GRID1: variants seen among roughly 807,000 people sequenced by gnomAD.
The protein encoded by GRID1 is glutamate ionotropic receptor delta type subunit 1, also known as glutamate receptor ionotropic, delta-1.
GRID1 carries 28 observed loss-of-function variants against 98.0 expected under a neutral mutation model. The observed-to-expected ratio is 0.29, with a 90% confidence interval of 0.21 to 0.39. The LOEUF is 0.39. Ranked by LOEUF, GRID1 falls within the 10% of genes least tolerant of loss-of-function variation. The pLI is 1.00. For missense variants in GRID1, 1,111 were observed against 1,340.5 expected (o/e 0.83, Z 2.67); for synonymous variants, 553 against 538.5 (o/e 1.03, Z -0.37).
chr10:86,308,239 G>A (rs1847785786), intron 2 of GRID1, among the ~76,000 whole-genome samples: 1 of 152,204 alleles, frequency 6.6e-6, no homozygotes, highest in African/African-American at 2.4e-5. Flanking sequence ...CCTCATGGAT[G>A]TGCAAACTGA....
At chr10:85,837,979 A>G (rs1189858903) in intron 8 of GRID1, among the ~76,000 whole-genome samples, 1 of 152,252 alleles carries the variant, frequency 6.6e-6, no homozygotes, top group African/African-American at 2.4e-5. Flanking sequence ...AACTGACCTT[A>G]TAGAGCTGAA....
intron 4 of GRID1, among the ~76,000 whole-genome samples, chr10:86,043,520 C>A (rs1055026080): frequency 1.3e-5 from 2 of 152,178 alleles, no homozygotes; most frequent in African/African-American, 4.8e-5. Context: ...GATCCTTGCC[C>A]TCATTACTGG....
At chr10:85,639,214 T>C (rs1843084870) in intron 13 of GRID1, among the ~76,000 whole-genome samples, 1 of 152,208 alleles carries the variant, frequency 6.6e-6, no homozygotes, top group South Asian at 2.1e-4. Flanking sequence ...GGTTTATTCA[T>C]ACAATAGAAT....
intron 4 of GRID1, among the ~76,000 whole-genome samples, chr10:86,133,797 A>G (rs556729924): frequency 6.0e-4 from 92 of 152,356 alleles, no homozygotes; most frequent in Non-Finnish European, 1.2e-3. Flanking sequence ...AGTTACAGGG[A>G]CAGATTATCC....
At chr10:85,672,410 C>T (rs576216111) in intron 12 of GRID1, among the ~76,000 whole-genome samples, 26 of 152,258 alleles carry the variant, frequency 1.7e-4, no homozygotes, top group African/African-American at 4.8e-4. Context: ...CGGGTTCAAG[C>T]GATTCTCCTG....
intron 2 of GRID1, among the ~76,000 whole-genome samples, chr10:86,322,848 T>C (rs1295934355): frequency 2.0e-5 from 3 of 151,340 alleles, no homozygotes; most frequent in East Asian, 1.9e-4. Context: ...TCCCAGCACT[T>C]TGGGAGGCCA....
At chr10:86,268,427 G>A (rs567846216) in intron 2 of GRID1, among the ~76,000 whole-genome samples, 34 of 152,328 alleles carry the variant, frequency 2.2e-4, no homozygotes, top group Admixed American at 1.7e-3. Context: ...AGGACCGTCC[G>A]TGATGGACAT....
In GRID1 at chr10:85,647,387, C is replaced by T; in HGVS notation, c.2008G>A (p.Asp670Asn). The T allele has an allele frequency of 6.2e-7, 1 of 1,613,662 alleles. No individual in the cohort carries two copies. Reference sequence around the variant, plus strand: ...GACATTTCCACTTGTTTGGACAGGTCCTGGAAAGTCCTGAAATGCAGAAAG... The same window carrying T: ...GACATTTCCACTTGTTTGGACAGGTTCTGGAAAGTCCTGAAATGCAGAAAG... Reference protein sequence around the residue: ...RMDNPIRTFQDLSKQVEMSYG... With the variant: ...RMDNPIRTFQNLSKQVEMSYG... The change falls in exon 13 of 16, where the codon GAC becomes AAC. Residue 670 changes from aspartate (D) to asparagine (N), a missense_variant. By Grantham distance (23) the Asp-to-Asn change is conservative. Transcript: ENST00000327946.
At chr10:85,716,670 GTAAT>G (rs566245635) in intron 12 of GRID1, among the ~76,000 whole-genome samples, 72 of 147,598 alleles carry the variant, frequency 4.9e-4, no homozygotes, top group Non-Finnish European at 5.1e-4. Flanking sequence ...TGTACATAAT[GTAAT>G]TATTTGTATA....
Position 85,715,350 on chromosome 10 carries a change from G to C in GRID1, c.1997+7653C>G, listed in dbSNP as rs183267774. Among the ~76,000 whole-genome samples, 28 of 152,120 alleles carry C rather than the reference G, an allele frequency of 1.8e-4. No homozygotes were observed. In the East Asian group the frequency reaches 4.8e-3, roughly 26 times the overall value. ...TTTTTGGATGTGACCCAAAAGCACA[G>C]GCAACAAAAGCAACAATAGATAAAT... is the stretch of plus-strand genomic sequence containing the variant. On this transcript the variant is annotated intron_variant, in intron 12 of 15. Coordinates refer to ENST00000327946, the MANE Select transcript of GRID1 (RefSeq NM_017551.3).
chr10:86,179,530 G>C (rs527642525), intron 3 of GRID1, among the ~76,000 whole-genome samples: 1 of 152,288 alleles, frequency 6.6e-6, no homozygotes, highest in South Asian at 2.1e-4. Context: ...CACACAATTT[G>C]CAAGTGGAAA....
chr10:86,136,162 G>A (rs1409557086), intron 4 of GRID1, among the ~76,000 whole-genome samples: 2 of 152,218 alleles, frequency 1.3e-5, no homozygotes, highest in South Asian at 2.1e-4. Context: ...GCCTCCAGGT[G>A]GTGAGGAAGG....
intron 3 of GRID1, 91 bp from the exon 4 acceptor site, chr10:86,139,115 T>G (rs1296832460): frequency 1.2e-6 from 1 of 849,940 alleles, no homozygotes; most frequent in Non-Finnish European, 1.9e-6. Context: ...GTTCCACCCA[T>G]GCAGGCCACC....
At chr10:85,652,769 C>T (rs1156478539) in intron 12 of GRID1, among the ~76,000 whole-genome samples, 1 of 152,206 alleles carries the variant, frequency 6.6e-6, no homozygotes, top group Non-Finnish European at 1.5e-5. Flanking sequence ...GCCCCCCAGC[C>T]TCTCTAATCT....
At chr10:85,785,014 C>A (rs115464656) in intron 8 of GRID1, among the ~76,000 whole-genome samples, 1 of 152,124 alleles carries the variant, frequency 6.6e-6, no homozygotes, top group Non-Finnish European at 1.5e-5. Flanking sequence ...AGGAGATCCC[C>A]GATGCTCTCC....
At chr10:85,701,515 A>C (rs774575156) in intron 12 of GRID1, among the ~76,000 whole-genome samples, 1 of 152,200 alleles carries the variant, frequency 6.6e-6, no homozygotes, top group Non-Finnish European at 1.5e-5. Context: ...ACTAAGGCAC[A>C]GTTTTGATAA....
At chr10:85,818,598 A>G (rs553030142) in intron 8 of GRID1, among the ~76,000 whole-genome samples, 15 of 152,370 alleles carry the variant, frequency 9.8e-5, no homozygotes, top group African/African-American at 2.6e-4. Flanking sequence ...AGATGGGAAC[A>G]GAGCATCTTA....
intron 2 of GRID1, among the ~76,000 whole-genome samples, chr10:86,352,126 C>T (rs1402229525): frequency 6.6e-6 from 1 of 152,168 alleles, no homozygotes; most frequent in African/African-American, 2.4e-5. Context: ...CATGGTGAAA[C>T]CCCGTCTCTA....
intron 3 of GRID1, among the ~76,000 whole-genome samples, chr10:86,146,507 C>A (rs1189262186): frequency 1.3e-5 from 2 of 152,190 alleles, no homozygotes; most frequent in African/African-American, 2.4e-5. Flanking sequence ...CCAAGGGAAC[C>A]CAAAGAACTA....
Sources: gnomAD v4.1 joint callset for allele counts (sites outside exome capture counted in the v4.1 genomes callset) on GRCh38, gnomAD v4.1.1 for gene constraint, MANE v1.5 for transcripts, NCBI Gene and HGNC (gene_info 2026-07-23, HGNC 2026-07-21) for gene names.